Variants in MTMR3 observed in about 807,000 individuals in gnomAD.
The protein encoded by MTMR3 is myotubularin related protein 3.
Under a neutral mutation model 132.4 loss-of-function variants are expected in MTMR3, and 32 were observed. That is an observed-to-expected ratio of 0.24 (90% confidence interval 0.18 to 0.32). The LOEUF is 0.32. MTMR3 is among the 10% of genes least tolerant of loss of function. The pLI is 1.00. For synonymous variants in MTMR3, 556 were observed against 550.3 expected, an observed-to-expected ratio of 1.01 and a Z score of -0.14; for missense variants, 1,216 against 1,489.6, an observed-to-expected ratio of 0.82 and a Z score of 3.02.
In MTMR3 at chr22:29,970,973, CAGA is replaced by C; in HGVS notation, c.-84-2_-84del. The C allele has an allele frequency of 8.7e-7, 1 of 1,147,290 alleles. No individual in the cohort carries two copies. The highest frequency in any genetic ancestry group is 1.2e-6 in the Non-Finnish European group (1 of 835,020). The allele number at this position is 1,147,290 out of a possible 1,614,324, so 71.1% of individuals were successfully genotyped here. A position where few individuals can be genotyped will look rare whatever the true frequency, so the allele number is the denominator to read the frequency against. The stretch of plus-strand genomic sequence containing the variant: ...TCTTCCCCCTCTTCCCCCCCACCCC[CAGA>C]CTTCACCATAAGGGAAAGAAGAGAG... On this transcript the variant is annotated splice_acceptor_variant and 5_prime_UTR_variant, in exon 3 of 20. Coordinates refer to ENST00000401950, the MANE Select transcript of MTMR3 (RefSeq NM_021090.4). LOFTEE classifies it low-confidence loss of function (5UTR_SPLICE).
intron 3 of MTMR3, among the ~76,000 whole-genome samples, chr22:29,972,226 G>A (rs2066550285): frequency 1.3e-5 from 2 of 152,182 alleles, no homozygotes; most frequent in South Asian, 4.1e-4. Context: ...TGCTTGTCTA[G>A]TATTTCAGCC....
rs1296292307 is a variant in MTMR3 at position 30,030,825 on chromosome 22, A to T, written c.*5024A>T. 6.6e-6 allele frequency: 1 copy of T among 152,326 alleles called. No individual in the cohort carries two copies. The highest frequency in any genetic ancestry group is 1.5e-5 in the Non-Finnish European group (1 of 68,026). 9.4% of individuals were successfully genotyped at this position (152,326 alleles called of 1,614,324 possible). ...TAAAAGTAAGATCTGGTATGAAGAA[A>T]GGTTTTGTTTGTTTCTTAAAATAAA... On this transcript the variant is annotated 3_prime_UTR_variant, in exon 20 of 20. Coordinates refer to ENST00000401950, the MANE Select transcript of MTMR3 (RefSeq NM_021090.4).
At chr22:29,896,485 A>C (rs1422051890) in intron 1 of MTMR3, among the ~76,000 whole-genome samples, 1 of 151,590 alleles carries the variant, frequency 6.6e-6, no homozygotes, top group Non-Finnish European at 1.5e-5. Context: ...CGGCCACTAC[A>C]CTCCTCATCT....
At chr22:29,976,011 T>C (rs1433391408) in intron 3 of MTMR3, among the ~76,000 whole-genome samples, 1 of 152,186 alleles carries the variant, frequency 6.6e-6, no homozygotes, top group Non-Finnish European at 1.5e-5. Flanking sequence ...GTACTTTGAG[T>C]GAATCTTTTA....
At chr22:29,942,118 G>T (rs2065868229) in intron 1 of MTMR3, among the ~76,000 whole-genome samples, 1 of 152,128 alleles carries the variant, frequency 6.6e-6, no homozygotes, top group Non-Finnish European at 1.5e-5. Context: ...TTTCACGTAG[G>T]TTCTTTTCTA....
Position 29,883,270 on chromosome 22 carries a change from G to A in MTMR3, c.-227G>A, listed in dbSNP as rs563614733. The A allele has an allele frequency of 6.3e-4, 97 of 153,710 alleles. 1 individual carries two copies. In the South Asian group the frequency reaches 0.019, roughly 30 times the overall value. 9.5% of individuals were successfully genotyped at this position (153,710 alleles called of 1,614,324 possible). A position where few individuals can be genotyped will look rare whatever the true frequency, so the allele number is the denominator to read the frequency against. On this transcript the variant is annotated 5_prime_UTR_variant, in exon 1 of 20. Coordinates refer to ENST00000401950, the MANE Select transcript of MTMR3 (RefSeq NM_021090.4). The stretch of plus-strand genomic sequence containing the variant: ...GACGAGACGTCCCAGCGGCTCAGGC[G>A]CTGCCCAGCGCCGGCCCTGGCAGGG...
chr22:29,895,955 A>G (rs1186912968), intron 1 of MTMR3, among the ~76,000 whole-genome samples: 2 of 152,196 alleles, frequency 1.3e-5, no homozygotes, highest in Non-Finnish European at 2.9e-5. Flanking sequence ...AGAAGACAAC[A>G]TTTCAAATCG....
intron 5 of MTMR3, chr22:29,979,349 G>A (rs1285817278): frequency 4.1e-6 from 1 of 242,856 alleles, no homozygotes; most frequent in Admixed American, 5.1e-5. Flanking sequence ...AAAATTAGCC[G>A]GGCGTGGTGG....
At chr22:29,887,288 C>CT (rs886148481) in intron 1 of MTMR3, among the ~76,000 whole-genome samples, 11 of 152,176 alleles carry the variant, frequency 7.2e-5, no homozygotes, top group Non-Finnish European at 1.5e-4. Flanking sequence ...CCCCCCTGAG[C>CT]TCCAGTTCCC....
At chr22:29,909,763 A>G (rs114915006) in intron 1 of MTMR3, among the ~76,000 whole-genome samples, 2,709 of 152,296 alleles carry the variant, frequency 0.018, 64 homozygotes, top group African/African-American at 0.06. Flanking sequence ...AAATATCACC[A>G]TATATGTAAT....
chr22:29,972,790 C>T (rs1224370699), intron 3 of MTMR3, among the ~76,000 whole-genome samples: 4 of 152,298 alleles, frequency 2.6e-5, no homozygotes, highest in East Asian at 1.9e-4. Context: ...AGGCTGGTCT[C>T]GAACTCCTGA....
intron 8 of MTMR3, chr22:30,000,604 T>C (rs1458417872): frequency 6.6e-6 from 1 of 152,250 alleles, no homozygotes; most frequent in Non-Finnish European, 1.5e-5. Flanking sequence ...CGTCAGAGTT[T>C]TCACTGGAAA....
intron 1 of MTMR3, among the ~76,000 whole-genome samples, chr22:29,901,958 C>T (rs1033909257): frequency 6.6e-6 from 1 of 152,142 alleles, no homozygotes; most frequent in African/African-American, 2.4e-5. Flanking sequence ...TTCCCCAGTT[C>T]ATTTGGGTTG....
intron 1 of MTMR3, among the ~76,000 whole-genome samples, chr22:29,905,961 TCAAA>T (rs1198053055): frequency 1.3e-5 from 2 of 152,184 alleles, no homozygotes; most frequent in Non-Finnish European, 2.9e-5. Context: ...CTGACAAATG[TCAAA>T]CAAGTTCTGA....
intron 2 of MTMR3, among the ~76,000 whole-genome samples, chr22:29,961,079 T>C (rs1410373374): frequency 6.6e-6 from 1 of 152,204 alleles, no homozygotes; most frequent in African/African-American, 2.4e-5. Context: ...CTTTTAAAAT[T>C]ACAGAACATT....
rs758062395 is a variant in MTMR3, at chr22:29,940,437, C to T, written c.-137-16599C>T. Among the ~76,000 whole-genome samples the T allele has an allele frequency of 2.8e-5, 4 of 144,290 alleles. No individual in the cohort carries two copies. The East Asian group carries it at 5.8e-4, about 21-fold the overall frequency. The allele number at this position is 144,290 out of a possible 152,430, so 94.7% of individuals were successfully genotyped here. On this transcript the variant is annotated intron_variant, in intron 1 of 19. Coordinates refer to ENST00000401950, the MANE Select transcript of MTMR3 (RefSeq NM_021090.4). ...GCTGAATCTTTTCTTGGACTCAGCCCGCCTGCACCCAGGTGAAACAAACAG... is the reference window on the plus strand; with the variant it reads ...GCTGAATCTTTTCTTGGACTCAGCCTGCCTGCACCCAGGTGAAACAAACAG...
At chr22:29,965,902 A>G (rs2145861127) in intron 2 of MTMR3, among the ~76,000 whole-genome samples, 1 of 152,276 alleles carries the variant, frequency 6.6e-6, no homozygotes, top group East Asian at 1.9e-4. Flanking sequence ...GTAACAGTGC[A>G]TATTGATAGG....
At chr22:30,022,360 C>T (rs1345354656) in intron 18 of MTMR3, 4 of 607,796 alleles carry the variant, frequency 6.6e-6, no homozygotes, top group South Asian at 2.0e-5. Context: ...CCTCTATGAA[C>T]TGGAGCCTTG....
rs181150290 is a variant in MTMR3, at chr22:29,964,819, A to G, written c.-84-6157A>G. 1.1e-4 allele frequency among the ~76,000 whole-genome samples: 17 copies of G among 152,264 alleles called. No homozygotes were observed. The South Asian group carries it at 2.1e-3, about 19-fold the overall frequency. On this transcript the variant is annotated intron_variant, in intron 2 of 19. Transcript: ENST00000401950. ...TCACTCTGCTATTTAAAACCTGTCA[A>G]TGGCTCCCTGTTGTATTTGGACTGT...
Sources: gnomAD v4.1 joint callset for allele counts (sites outside exome capture counted in the v4.1 genomes callset) on GRCh38, gnomAD v4.1.1 for gene constraint, MANE v1.5 for transcripts, NCBI Gene and HGNC (gene_info 2026-07-23, HGNC 2026-07-21) for gene names.